DDC: variants seen among roughly 807,000 people sequenced by gnomAD.
The protein encoded by DDC is dopa decarboxylase.
DDC carries 43 observed loss-of-function variants against 60.0 expected under a neutral mutation model. The observed-to-expected ratio is 0.72, with a 90% CI of 0.56 to 0.92. The LOEUF (loss-of-function observed/expected upper bound fraction) is 0.92. Ranked by LOEUF, DDC falls within the 40% of genes least tolerant of loss-of-function variation. The pLI is 0.00. For missense variants in DDC, 573 were observed against 620.2 expected (o/e 0.92, Z 0.81); for synonymous variants, 232 against 234.6 (o/e 0.99, Z 0.10).
chr7:50,542,512 G>C (rs909974156), intron 2 of DDC: 2 of 152,250 alleles, frequency 1.3e-5, no homozygotes, highest in Non-Finnish European at 2.9e-5. Context: ...GAGCTCACCT[G>C]GTTTCCTGCG....
chr7:50,564,043 G>C (rs1257321688), intron 1 of DDC: 1 of 152,190 alleles, frequency 6.6e-6, no homozygotes, highest in Non-Finnish European at 1.5e-5. Context: ...GACCAGGGTG[G>C]CGTGAAGCTC....
intron 1 of DDC, among the ~76,000 whole-genome samples, chr7:50,550,367 G>A (rs1268550540): frequency 6.6e-6 from 1 of 152,164 alleles, no homozygotes; most frequent in Non-Finnish European, 1.5e-5. Flanking sequence ...CTACAGTATA[G>A]TGTAAACAGA....
At position 50,529,209 on chromosome 7, in the gene DDC, T is replaced by C; in HGVS notation, c.569A>G (p.Gln190Arg). The C allele has an allele frequency of 6.2e-7, 1 of 1,613,052 alleles. No individual in the cohort carries two copies. The highest frequency in any genetic ancestry group is 8.5e-7 in the Non-Finnish European group (1 of 1,179,938). Residue 190 changes from glutamine (Q) to arginine (R), a missense_variant and splice_region_variant, in exon 5 of 15, where the codon CAG becomes CGG. Transcript: ENST00000444124. The stretch of plus-strand genomic sequence containing the variant: ...CTGATACCCCCACAACACACTCACC[T>C]GATCGGATGAGTAAGCCACCAGCTT... ...MEKLVAYSSDQAHSSVERAGL... is the reference protein window; with the variant it reads ...MEKLVAYSSDRAHSSVERAGL...
chr7:50,459,298 G>A (rs977660142), intron 14 of DDC, among the ~76,000 whole-genome samples: 49 of 152,294 alleles, frequency 3.2e-4, no homozygotes, highest in African/African-American at 1.1e-3. Flanking sequence ...GAGTGATCTC[G>A]GCTCGCTACA....
At chr7:50,471,793 T>C (rs550637904) in intron 11 of DDC, among the ~76,000 whole-genome samples, 2 of 152,264 alleles carry the variant, frequency 1.3e-5, no homozygotes, top group South Asian at 2.1e-4. Context: ...AGCTAACTTG[T>C]CTTTTGGGAA....
intron 11 of DDC, among the ~76,000 whole-genome samples, chr7:50,474,277 G>C (rs1243572292): frequency 2.0e-5 from 3 of 152,248 alleles, no homozygotes; most frequent in Non-Finnish European, 4.4e-5. Flanking sequence ...TGAATGGTGG[G>C]CTCAAGTCTT....
At chr7:50,528,055 C>A (rs2044088130) in intron 6 of DDC, 82 bp downstream of exon 6, 2 of 1,519,522 alleles carry the variant, frequency 1.3e-6, no homozygotes, top group South Asian at 1.2e-5. Context: ...CGCCACCATG[C>A]CCGGCTAATT....
At chr7:50,465,426 A>C (rs574224268) in intron 13 of DDC, among the ~76,000 whole-genome samples, 2 of 151,512 alleles carry the variant, frequency 1.3e-5, no homozygotes, top group South Asian at 4.2e-4. Context: ...GCTGGAGCGC[A>C]GTAGCACAAT....
intron 9 of DDC, chr7:50,492,695 G>GT: frequency 3.7e-6 from 5 of 1,355,278 alleles, no homozygotes; most frequent in South Asian, 1.6e-5. Flanking sequence ...TTTTCCAAAT[G>GT]GCCTTTTCCA....
chr7:50,550,365 T>C lies in DDC; in HGVS notation c.-28-6252A>G, dbSNP rs142879794. ...ATTGCACACTTAATAGACTACAGTATAGTGTAAACAGAACTTTTGTATGCA... is the reference window on the plus strand; with the variant it reads ...ATTGCACACTTAATAGACTACAGTACAGTGTAAACAGAACTTTTGTATGCA... On this transcript the variant is annotated intron_variant, in intron 1 of 14. Coordinates refer to ENST00000444124, the MANE Select transcript of DDC (RefSeq NM_001082971.2). Among the ~76,000 whole-genome samples, 781 of 152,338 alleles carry C rather than the reference T, an allele frequency of 5.1e-3. 7 individuals carry two copies. Among genetic ancestry groups the C allele is most frequent in the African/African-American group, 0.018 (740 of 41,570 alleles).
chr7:50,459,091 C>T (rs1018676253), intron 14 of DDC, among the ~76,000 whole-genome samples: 1 of 152,232 alleles, frequency 6.6e-6, no homozygotes, highest in East Asian at 1.9e-4. Flanking sequence ...CGAGTGCCTG[C>T]GATTGCAGGC....
chr7:50,546,591 G>C (rs747543540), intron 1 of DDC, among the ~76,000 whole-genome samples: 29 of 152,164 alleles, frequency 1.9e-4, no homozygotes, highest in Non-Finnish European at 4.1e-4. Context: ...GTTTGGTCAA[G>C]GTACTTTGAC....
intron 1 of DDC, among the ~76,000 whole-genome samples, chr7:50,554,058 G>T (rs1450644516): frequency 6.6e-6 from 1 of 152,088 alleles, no homozygotes; most frequent in Non-Finnish European, 1.5e-5. Flanking sequence ...ATCTAAATCC[G>T]CTCACAAGTG....
At chr7:50,532,136 G>A (rs2044236426) in intron 4 of DDC, among the ~76,000 whole-genome samples, 1 of 152,196 alleles carries the variant, frequency 6.6e-6, no homozygotes, top group South Asian at 2.1e-4. Flanking sequence ...GATCAATAAT[G>A]CAGGCTGGCT....
In DDC at chr7:50,499,216, C is replaced by T. The variant is rs150447169; in HGVS notation, c.808G>A (p.Val270Ile). 81 of 1,613,478 alleles carry T rather than the reference C, an allele frequency of 5.0e-5. No individual in the cohort carries two copies. In the African/African-American group the frequency reaches 9.2e-4, roughly 18 times the overall value. ...GCACTGCCTGCGTAGGCTGCATCAA[C>T]GTGCAGCCATATGTCTTCCTTGTTG... ...ICNKEDIWLH[V>I]DAAYAGSAFI... Residue 270 changes from valine to isoleucine, a missense_variant, in exon 8 of 15, where the codon GTT becomes ATT. Val to Ile is a conservative substitution (Grantham distance 29). Coordinates refer to ENST00000444124, the MANE Select transcript of DDC (RefSeq NM_001082971.2).
At chr7:50,476,577 C>A (rs757502598) in intron 11 of DDC, 47 bp downstream of exon 11, 2 of 1,555,048 alleles carry the variant, frequency 1.3e-6, no homozygotes, top group Non-Finnish European at 1.8e-6. Context: ...GCGTAGCCCC[C>A]CAGCACTCCA....
intron 9 of DDC, among the ~76,000 whole-genome samples, chr7:50,482,106 G>T (rs144041053): frequency 5.8e-4 from 89 of 152,308 alleles, no homozygotes; most frequent in African/African-American, 2.0e-3. Context: ...AATAGCACAA[G>T]GTGAGCTATG....
intron 1 of DDC, among the ~76,000 whole-genome samples, chr7:50,548,039 C>G (rs1003959448): frequency 6.6e-6 from 1 of 152,122 alleles, no homozygotes; most frequent in African/African-American, 2.4e-5. Context: ...GATCTATGGT[C>G]GGCAATCTTT....
intron 1 of DDC, among the ~76,000 whole-genome samples, chr7:50,562,141 A>C (rs1206391601): frequency 6.6e-5 from 10 of 152,352 alleles, no homozygotes; most frequent in African/African-American, 2.4e-4. Flanking sequence ...TCTAGAGCAG[A>C]GATCCCCATG....
Sources: allele counts gnomAD v4.1 joint callset (sites outside exome capture counted in the v4.1 genomes callset), GRCh38; gene constraint gnomAD v4.1.1; transcripts MANE v1.5; gene names NCBI Gene and HGNC (gene_info 2026-07-23, HGNC 2026-07-21).